The following TSPAN14 variants were observed in gnomAD, a reference collection of about 807,000 sequenced individuals.
TSPAN14 encodes tetraspanin 14.
TSPAN14 carries 16 observed loss-of-function variants against 36.6 expected under a neutral mutation model. The ratio of observed to expected loss-of-function variants is 0.44; its 90% CI spans 0.30 to 0.66. The LOEUF (loss-of-function observed/expected upper bound fraction) is 0.66, where lower values mean the gene tolerates loss of function less well. Ranked by LOEUF, TSPAN14 falls within the 30% of genes least tolerant of loss-of-function variation. The pLI is 0.12. For synonymous variants in TSPAN14, 139 were observed against 143.8 expected, an observed-to-expected ratio of 0.97 and a Z score of 0.24; for missense variants, 231 against 355.1, an observed-to-expected ratio of 0.65 and a Z score of 2.81.
intron 1 of TSPAN14, among the ~76,000 whole-genome samples, chr10:80,488,960 G>A (rs1847773876): frequency 6.6e-6 from 1 of 152,154 alleles, no homozygotes; most frequent in African/African-American, 2.4e-5. Flanking sequence ...CGAATTTCTG[G>A]TACTTAGAAG....
At chr10:80,475,859 A>C (rs1233544327) in intron 1 of TSPAN14, among the ~76,000 whole-genome samples, 4 of 152,222 alleles carry the variant, frequency 2.6e-5, no homozygotes, top group Non-Finnish European at 5.9e-5. Context: ...TGCTGGGATT[A>C]CAGGCATGAG....
intron 1 of TSPAN14, among the ~76,000 whole-genome samples, chr10:80,481,647 C>G (rs1026706499): frequency 6.6e-6 from 1 of 152,106 alleles, no homozygotes; most frequent in Non-Finnish European, 1.5e-5. Flanking sequence ...ATGCATAATG[C>G]GTAAAACTGA....
intron 2 of TSPAN14, among the ~76,000 whole-genome samples, chr10:80,493,040 T>C (rs975432314): frequency 1.1e-4 from 17 of 152,328 alleles, no homozygotes; most frequent in African/African-American, 4.1e-4. Context: ...ATGAGGTTCT[T>C]ATCACAAGGA....
At chr10:80,472,012 A>G (rs1315386528) in intron 1 of TSPAN14, among the ~76,000 whole-genome samples, 5 of 152,116 alleles carry the variant, frequency 3.3e-5, no homozygotes, top group East Asian at 1.9e-4. Flanking sequence ...CCATCTCCCT[A>G]TGTAGCTGGG....
chr10:80,474,799 A>G (rs954752347), intron 1 of TSPAN14, among the ~76,000 whole-genome samples: 8 of 151,912 alleles, frequency 5.3e-5, no homozygotes, highest in African/African-American at 1.7e-4. Context: ...ACTTTTCTCC[A>G]CTGTCATGTC....
intron 1 of TSPAN14, among the ~76,000 whole-genome samples, chr10:80,471,065 C>T (rs1846524126): frequency 6.6e-6 from 1 of 152,064 alleles, no homozygotes; most frequent in Non-Finnish European, 1.5e-5. Context: ...ACCAGCTTGC[C>T]ACCACCACCA....
chr10:80,479,311 T>C (rs1847107738), intron 1 of TSPAN14, among the ~76,000 whole-genome samples: 1 of 151,228 alleles, frequency 6.6e-6, no homozygotes, highest in Non-Finnish European at 1.5e-5. Flanking sequence ...ATCCCATTTG[T>C]CAATTTTGGC....
chr10:80,501,142 C>G (rs1322681091), intron 2 of TSPAN14, among the ~76,000 whole-genome samples: 13 of 146,560 alleles, frequency 8.9e-5, no homozygotes, highest in African/African-American at 2.8e-4. Context: ...GAGACCTGGT[C>G]TTACTCTGTT....
chr10:80,472,225 A>G (rs1373996467), intron 1 of TSPAN14, among the ~76,000 whole-genome samples: 8 of 151,864 alleles, frequency 5.3e-5, no homozygotes, highest in Admixed American at 5.2e-4. Flanking sequence ...AGGACCACAA[A>G]CTCTATGTTT....
intron 1 of TSPAN14, among the ~76,000 whole-genome samples, chr10:80,457,609 T>C (rs942751904): frequency 7.2e-5 from 11 of 152,218 alleles, no homozygotes; most frequent in Non-Finnish European, 1.5e-4. Flanking sequence ...AAGGTGCCCT[T>C]GTATCCCTGC....
chr10:80,484,757 T>C (rs190389485), intron 1 of TSPAN14, among the ~76,000 whole-genome samples: 16 of 152,340 alleles, frequency 1.1e-4, no homozygotes, highest in Admixed American at 1.0e-3. Flanking sequence ...AGATTTGTTA[T>C]CTGTTCAGGC....
intron 1 of TSPAN14, among the ~76,000 whole-genome samples, chr10:80,484,107 T>A (rs2132001262): frequency 6.6e-6 from 1 of 151,442 alleles, no homozygotes; most frequent in South Asian, 2.1e-4. Flanking sequence ...TAGCCAGGCC[T>A]GGTGGCATGC....
intron 2 of TSPAN14, among the ~76,000 whole-genome samples, chr10:80,495,684 A>G (rs17106070): frequency 0.025 from 3,785 of 152,304 alleles, 171 homozygotes; most frequent in African/African-American, 0.086. Context: ...GCTGGTAAAT[A>G]ATCAGCATGG....
chr10:80,495,922 C>T (rs1255874929), intron 2 of TSPAN14, among the ~76,000 whole-genome samples: 1 of 152,168 alleles, frequency 6.6e-6, no homozygotes, highest in African/African-American at 2.4e-5. Context: ...TACAGTCATG[C>T]CTGCCCCACC....
intron 1 of TSPAN14, among the ~76,000 whole-genome samples, chr10:80,483,897 C>A (rs1847430616): frequency 2.1e-5 from 1 of 48,336 alleles, no homozygotes; most frequent in African/African-American, 7.8e-5. Context: ...GCAACAAGAG[C>A]AAAACTCTTG....
exon 9 of TSPAN14, chr10:80,520,768 C>T: frequency 1.9e-6 from 1 of 533,522 alleles, no homozygotes; most frequent in South Asian, 1.4e-5. Context: ...CACCATGCCC[C>T]ACGTAGCTGA....
chr10:80,470,649 C>A (rs187196514), intron 1 of TSPAN14, among the ~76,000 whole-genome samples: 41 of 152,330 alleles, frequency 2.7e-4, no homozygotes, highest in African/African-American at 9.1e-4. Context: ...CAAATCCCTG[C>A]AGCCTACTGG....
chr10:80,463,436 G>T (rs79512909), intron 1 of TSPAN14, among the ~76,000 whole-genome samples: 394 of 152,316 alleles, frequency 2.6e-3, no homozygotes, highest in African/African-American at 9.1e-3. Context: ...GATGTTCAGT[G>T]CCTAGTCAAG....
At chr10:80,507,491 C>G in intron 4 of TSPAN14, 117 bp downstream of exon 4, 1 of 1,428,388 alleles carries the variant, frequency 7.0e-7, no homozygotes, top group Non-Finnish European at 9.5e-7. Flanking sequence ...CTCCCCTAGG[C>G]CCCTGCCTGG....
Sources: gnomAD v4.1 joint callset for allele counts (sites outside exome capture counted in the v4.1 genomes callset) on GRCh38, gnomAD v4.1.1 for gene constraint, MANE v1.5 for transcripts, NCBI Gene and HGNC (gene_info 2026-07-23, HGNC 2026-07-21) for gene names.